ARMC9: variants seen among roughly 807,000 people sequenced by gnomAD.
ARMC9 encodes the protein armadillo repeat containing 9.
ARMC9 carries 94 observed loss-of-function variants against 107.0 expected under a neutral mutation model. The observed-to-expected ratio is 0.88, with a 90% CI of 0.74 to 1.04. ARMC9 has a LOEUF of 1.04. ARMC9 is among the 50% of genes least tolerant of loss of function. The probability of loss-of-function intolerance (pLI) is 0.00; values close to 1 mark genes in which losing one functional copy is unlikely to be tolerated. For missense variants in ARMC9, 942 were observed against 1,030.1 expected (o/e 0.91, Z 1.17); for synonymous variants, 380 against 396.9 (o/e 0.96, Z 0.51).
intron 22 of ARMC9, among the ~76,000 whole-genome samples, chr2:231,359,082 GTTTT>G (rs555726953): frequency 2.5e-5 from 3 of 117,862 alleles, no homozygotes; most frequent in African/African-American, 1.1e-4. Flanking sequence ...GGGGTCTCCT[GTTTT>G]TTTTTTTTTT....
intron 9 of ARMC9, among the ~76,000 whole-genome samples, chr2:231,241,560 A>G (rs2036305091): frequency 6.6e-6 from 1 of 152,176 alleles, no homozygotes. Flanking sequence ...ACAGCTTTTA[A>G]GTGAGGGTTT....
At chr2:231,348,266 G>T (rs1159008532) in intron 21 of ARMC9, among the ~76,000 whole-genome samples, 1 of 152,246 alleles carries the variant, frequency 6.6e-6, no homozygotes, top group Non-Finnish European at 1.5e-5. Flanking sequence ...TGTGACAACT[G>T]TGTCAGAAGT....
At chr2:231,311,970 T>C (rs952086982) in intron 19 of ARMC9, among the ~76,000 whole-genome samples, 2 of 152,062 alleles carry the variant, frequency 1.3e-5, no homozygotes, top group Non-Finnish European at 2.9e-5. Context: ...TTCTTGAAAT[T>C]TATATAAATG....
At position 231,372,908 on chromosome 2, in the gene ARMC9, C is replaced by T. The variant is rs989238318; in HGVS notation, c.*1373C>T. ...TGGATTTTTCCATGGCCCCCTGACT[C>T]CTCAGGAGCGCAGGCAGAGGAGGTA... On this transcript the variant is annotated 3_prime_UTR_variant, in exon 25 of 25. Coordinates refer to ENST00000611582, the MANE Select transcript of ARMC9 (RefSeq NM_001352754.2). 6.6e-5 allele frequency: 10 copies of T among 152,208 alleles called. No individual in the cohort carries two copies. Among genetic ancestry groups the T allele is most frequent in the African/African-American group, 2.4e-4 (10 of 41,442 alleles). The allele number at this position is 152,208 out of a possible 1,614,324, so 9.4% of individuals were successfully genotyped here.
chr2:231,360,109 G>A lies in ARMC9; in HGVS notation c.2132-645G>A, dbSNP rs2125593325. Among the ~76,000 whole-genome samples the A allele has an allele frequency of 6.6e-6, 1 of 152,138 alleles. No homozygotes were observed. The highest frequency in any genetic ancestry group is 2.1e-4 in the South Asian group (1 of 4,810). On this transcript the variant is annotated intron_variant, in intron 22 of 24. Coordinates refer to ENST00000611582, the MANE Select transcript of ARMC9 (RefSeq NM_001352754.2). This position sits in a 1 kb window ranked among gnomAD's most constrained non-coding sequence, Gnocchi z 4.7. Reference sequence around the variant, plus strand: ...TGGCATCTGAGATGCAGGAACATCTGTTCCCAGGCCCTTGGGGAGCCCTCC... The same window carrying A: ...TGGCATCTGAGATGCAGGAACATCTATTCCCAGGCCCTTGGGGAGCCCTCC...
At chr2:231,247,839 G>A (rs1262859326) in intron 9 of ARMC9, among the ~76,000 whole-genome samples, 2 of 152,198 alleles carry the variant, frequency 1.3e-5, no homozygotes, top group African/African-American at 2.4e-5. Context: ...ACTGAGGCAC[G>A]AGAATCACTT....
intron 7 of ARMC9, among the ~76,000 whole-genome samples, chr2:231,230,816 A>G (rs766870479): frequency 2.6e-5 from 4 of 152,190 alleles, no homozygotes; most frequent in East Asian, 1.9e-4. Context: ...CATGAAAATG[A>G]TATGAAAAAA....
intron 19 of ARMC9, among the ~76,000 whole-genome samples, chr2:231,310,250 A>G (rs1249124796): frequency 1.3e-5 from 2 of 150,410 alleles, no homozygotes; most frequent in East Asian, 3.9e-4. Flanking sequence ...CCCCGTCTCA[A>G]CTAAAACTAC....
At chr2:231,226,751 C>A in intron 6 of ARMC9, 23 bp from the exon 7 acceptor site, 1 of 1,612,546 alleles carries the variant, frequency 6.2e-7, no homozygotes, top group South Asian at 1.1e-5. Context: ...TGCCTGTTTT[C>A]CTGAACTTCT....
chr2:231,223,621 A>G (rs538318101), intron 6 of ARMC9, among the ~76,000 whole-genome samples: 9 of 152,206 alleles, frequency 5.9e-5, no homozygotes, highest in Non-Finnish European at 1.3e-4. Flanking sequence ...TTTGCTGCGT[A>G]ATACCTTCTG....
At chr2:231,327,542 G>T (rs2043409629) in intron 19 of ARMC9, among the ~76,000 whole-genome samples, 2 of 152,084 alleles carry the variant, frequency 1.3e-5, no homozygotes, top group South Asian at 4.1e-4. Context: ...AGTATTCTGT[G>T]GTGTGTATGT....
intron 23 of ARMC9, among the ~76,000 whole-genome samples, chr2:231,363,668 C>T (rs1228536581): frequency 6.6e-6 from 1 of 151,972 alleles, no homozygotes; most frequent in Non-Finnish European, 1.5e-5. Flanking sequence ...GGGCGGACAA[C>T]GAGGTCAAGA....
chr2:231,328,120 C>T (rs1425574560), intron 19 of ARMC9, among the ~76,000 whole-genome samples: 1 of 152,138 alleles, frequency 6.6e-6, no homozygotes, highest in Non-Finnish European at 1.5e-5. Context: ...AGTGATATCT[C>T]ATTGTGGTTT....
At chr2:231,202,740 A>C (rs1002226949) in intron 1 of ARMC9, among the ~76,000 whole-genome samples, 2 of 152,184 alleles carry the variant, frequency 1.3e-5, no homozygotes, top group African/African-American at 4.8e-5. Context: ...TGTAAGAATT[A>C]AAGAAAGAGG....
intron 1 of ARMC9, among the ~76,000 whole-genome samples, chr2:231,202,725 A>G (rs905995321): frequency 1.3e-5 from 2 of 152,104 alleles, no homozygotes; most frequent in South Asian, 2.1e-4. Flanking sequence ...CCAGGCTCAT[A>G]TATCTGTAAG....
intron 9 of ARMC9, chr2:231,256,312 C>T (rs16842345): frequency 1.3e-6 from 2 of 1,552,380 alleles, no homozygotes; most frequent in African/African-American, 1.4e-5. Flanking sequence ...GCTGAGCTTG[C>T]TTGCTCGCTG....
chr2:231,318,876 A>C (rs1309948968), intron 19 of ARMC9, among the ~76,000 whole-genome samples: 4 of 152,214 alleles, frequency 2.6e-5, no homozygotes, highest in Admixed American at 2.6e-4. Context: ...GTAAAAGCAA[A>C]GCAGACATCC....
At chr2:231,355,747 C>T (rs776719984) in intron 21 of ARMC9, 51 bp from the exon 22 acceptor site, 13 of 1,498,470 alleles carry the variant, frequency 8.7e-6, no homozygotes, top group East Asian at 5.0e-5. Context: ...GTCGGCAGTC[C>T]GAATCTCCTG....
At chr2:231,276,313 C>T (rs1333748400) in intron 14 of ARMC9, among the ~76,000 whole-genome samples, 1 of 151,824 alleles carries the variant, frequency 6.6e-6, no homozygotes, top group Non-Finnish European at 1.5e-5. Flanking sequence ...CTCCATCGCC[C>T]AGGCTGGAGT....
Sources: allele counts gnomAD v4.1 joint callset (sites outside exome capture counted in the v4.1 genomes callset), GRCh38; gene constraint gnomAD v4.1.1; non-coding constraint Gnocchi (gnomAD v3.1); transcripts MANE v1.5; gene names NCBI Gene and HGNC (gene_info 2026-07-23, HGNC 2026-07-21).